USP10: variants seen among roughly 807,000 people sequenced by gnomAD.
The protein encoded by USP10 is ubiquitin specific peptidase 10.
USP10 carries 22 observed loss-of-function variants against 84.5 expected under a neutral mutation model. The observed-to-expected ratio is 0.26, with a 90% confidence interval of 0.19 to 0.37. The LOEUF (loss-of-function observed/expected upper bound fraction) is 0.37. USP10 is among the 10% of genes least tolerant of loss of function. USP10 has a pLI of 1.00. For missense variants in USP10, 1,019 were observed against 998.9 expected (o/e 1.02, Z -0.27); for synonymous variants, 454 against 387.6 (o/e 1.17, Z -2.01).
At chr16:84,748,932 T>C (rs1294949987) in intron 4 of USP10, among the ~76,000 whole-genome samples, 1 of 152,250 alleles carries the variant, frequency 6.6e-6, no homozygotes, top group Non-Finnish European at 1.5e-5. Context: ...CAGATTATTT[T>C]TTTAATCCTA....
At chr16:84,778,313 A>G (rs1390978766) in intron 13 of USP10, among the ~76,000 whole-genome samples, 2 of 152,146 alleles carry the variant, frequency 1.3e-5, no homozygotes, top group African/African-American at 2.4e-5. Context: ...TGGGCCACAG[A>G]AGGCCTAAGG....
chr16:84,747,358 TAAA>T (rs57408326), intron 4 of USP10, among the ~76,000 whole-genome samples: 1 of 152,188 alleles, frequency 6.6e-6, no homozygotes, highest in African/African-American at 2.4e-5. Context: ...CAGAATTGTG[TAAA>T]AAATAAAACA....
At chr16:84,760,933 G>A (rs1179658056) in intron 8 of USP10, among the ~76,000 whole-genome samples, 1 of 152,204 alleles carries the variant, frequency 6.6e-6, no homozygotes, top group African/African-American at 2.4e-5. Context: ...GAGAAAAATA[G>A]TTGAGAAAAT....
chr16:84,740,437 T>G, intron 3 of USP10, 68 bp downstream of exon 3: 1 of 1,257,034 alleles, frequency 8.0e-7, no homozygotes, highest in South Asian at 1.3e-5. Context: ...GCAGGCTACC[T>G]GTAAACATTG....
chr16:84,777,267 A>G (rs914417757), intron 13 of USP10, among the ~76,000 whole-genome samples: 1 of 152,216 alleles, frequency 6.6e-6, no homozygotes, highest in Admixed American at 6.5e-5. Flanking sequence ...GAATGGTGAC[A>G]TGCAGTCCCC....
At chr16:84,775,134 C>G (rs773623146) in intron 12 of USP10, 26 bp from the exon 13 acceptor site, 4 of 1,610,808 alleles carry the variant, frequency 2.5e-6, no homozygotes, top group Non-Finnish European at 3.4e-6. Context: ...AAAAGTGCTT[C>G]AAGCCATTGA....
intron 12 of USP10, among the ~76,000 whole-genome samples, chr16:84,773,689 A>T (rs1356984602): frequency 6.6e-6 from 1 of 152,052 alleles, no homozygotes; most frequent in Non-Finnish European, 1.5e-5. Context: ...TTTTAATCCC[A>T]TTTGAGGACC....
intron 2 of USP10, among the ~76,000 whole-genome samples, chr16:84,736,950 G>A (rs1014456833): frequency 1.3e-5 from 2 of 152,168 alleles, no homozygotes; most frequent in African/African-American, 4.8e-5. Context: ...CACCTCGCCC[G>A]GCTAATTTTT....
At chr16:84,774,133 C>G (rs1430098448) in intron 12 of USP10, among the ~76,000 whole-genome samples, 1 of 151,664 alleles carries the variant, frequency 6.6e-6, no homozygotes, top group Non-Finnish European at 1.5e-5. Flanking sequence ...GCCTGTAATC[C>G]TAGCTACTTG....
At chr16:84,704,024 G>C (rs1053477469) in intron 1 of USP10, among the ~76,000 whole-genome samples, 1 of 152,236 alleles carries the variant, frequency 6.6e-6, no homozygotes, top group Non-Finnish European at 1.5e-5. Flanking sequence ...GGATTACGAA[G>C]CTTAATGATT....
intron 4 of USP10, among the ~76,000 whole-genome samples, chr16:84,752,020 A>G (rs1229524095): frequency 6.6e-6 from 1 of 152,114 alleles, no homozygotes; most frequent in East Asian, 1.9e-4. Context: ...TCTAGCATGT[A>G]TGTCTTAAAA....
chr16:84,740,069 C>G (rs1910445370), intron 2 of USP10, among the ~76,000 whole-genome samples: 3 of 152,060 alleles, frequency 2.0e-5, no homozygotes, highest in Admixed American at 2.0e-4. Flanking sequence ...TTCCTTTTGG[C>G]TTCATTTTCG....
rs868723597 is a variant in USP10, at chr16:84,745,345, A to G, written c.864A>G (p.Gln288=). 6.2e-7 allele frequency: 1 copy of G among 1,612,968 alleles called. No homozygotes were observed. Among genetic ancestry groups the G allele is most frequent in the African/African-American group, 1.3e-5 (1 of 74,906 alleles). Reference sequence around the variant, plus strand: ...AAAACCTTGGAGTTGCTAATGGACAAATACTTGAATCCTCGGGTGAGGGCA... The same window carrying G: ...AAAACCTTGGAGTTGCTAATGGACAGATACTTGAATCCTCGGGTGAGGGCA... ...TTENLGVANG[Q]ILESSGEGTA... Residue 288 remains glutamine, a synonymous_variant, in exon 4 of 14, where the codon CAA becomes CAG. Transcript: ENST00000219473.
At chr16:84,757,573 G>GT (rs1912734102) in intron 4 of USP10, among the ~76,000 whole-genome samples, 1 of 152,190 alleles carries the variant, frequency 6.6e-6, no homozygotes, top group East Asian at 1.9e-4. Flanking sequence ...ACTATCAAAT[G>GT]TATGTATGCC....
At chr16:84,728,572 G>A (rs1290583204) in intron 1 of USP10, among the ~76,000 whole-genome samples, 2 of 151,950 alleles carry the variant, frequency 1.3e-5, no homozygotes, top group Non-Finnish European at 2.9e-5. Context: ...CTCGTGATCC[G>A]CCTGCCTCGG....
At chr16:84,720,700 G>C (rs1462601079) in intron 1 of USP10, among the ~76,000 whole-genome samples, 1 of 145,960 alleles carries the variant, frequency 6.9e-6, no homozygotes, top group Non-Finnish European at 1.5e-5. Context: ...TCCTGCCTCA[G>C]CCTCCTGAGT....
At chr16:84,759,845 A>G (rs1567638955) in intron 6 of USP10, 46 bp from the exon 7 acceptor site, 2 of 1,571,062 alleles carry the variant, frequency 1.3e-6, no homozygotes, top group Admixed American at 1.7e-5. Context: ...GTAAAAGTAT[A>G]TATTGTTTAA....
In USP10 at chr16:84,745,261, C is replaced by T. The variant is rs775126873; in HGVS notation, c.780C>T (p.Gly260=). The part of the protein sequence containing the change: ...FGQSCFPAEA[G]RDTLSRTAGA... ...AGTCCTGCTTCCCTGCAGAGGCTGG[C>T]AGAGACACCCTGTCAAGGACAGCTG... Residue 260 remains glycine, a synonymous_variant, in exon 4 of 14, where the codon GGC becomes GGT. Transcript: ENST00000219473. 1.2e-6 allele frequency: 2 copies of T among 1,613,458 alleles called. No individual in the cohort carries two copies. Among genetic ancestry groups the T allele is most frequent in the Admixed American group, 1.7e-5 (1 of 60,002 alleles).
At chr16:84,701,540 A>G (rs150077055) in intron 1 of USP10, among the ~76,000 whole-genome samples, 8 of 152,316 alleles carry the variant, frequency 5.3e-5, no homozygotes, top group African/African-American at 1.7e-4. Flanking sequence ...AGCTTATTAG[A>G]ATTGGTATGA....
Sources: gnomAD v4.1 joint callset for allele counts (sites outside exome capture counted in the v4.1 genomes callset) on GRCh38, gnomAD v4.1.1 for gene constraint, MANE v1.5 for transcripts, NCBI Gene and HGNC (gene_info 2026-07-23, HGNC 2026-07-21) for gene names.